PRMT8: variants seen among roughly 807,000 people sequenced by gnomAD.
The protein encoded by PRMT8 is protein arginine methyltransferase 8.
A neutral mutation model predicts 47.1 loss-of-function variants in PRMT8; 7 were observed. The ratio of observed to expected loss-of-function variants is 0.15; its 90% CI spans 0.08 to 0.28. The LOEUF is 0.28. PRMT8 is among the 10% of genes least tolerant of loss of function. The pLI, the probability that PRMT8 is intolerant of heterozygous loss-of-function variation, is 1.00. For synonymous variants in PRMT8, 188 were observed against 186.5 expected (o/e 1.01, Z -0.07); for missense variants, 237 against 505.4 (o/e 0.47, Z 5.09).
chr12:3,558,927 T>C (rs1866576528), intron 4 of PRMT8, among the ~76,000 whole-genome samples: 1 of 151,650 alleles, frequency 6.6e-6, no homozygotes, highest in African/African-American at 2.4e-5. Flanking sequence ...ATTTCATTAT[T>C]CACCAAACTA....
chr12:3,489,060 AC>A (rs990812878), upstream of PRMT8, among the ~76,000 whole-genome samples: 4 of 152,024 alleles, frequency 2.6e-5, no homozygotes, highest in Non-Finnish European at 5.9e-5. Flanking sequence ...TAGGCTCCTC[AC>A]TCACAGCCCC....
intron 6 of PRMT8, among the ~76,000 whole-genome samples, chr12:3,571,710 AAAG>A (rs778259002): frequency 2.6e-5 from 4 of 152,290 alleles, no homozygotes; most frequent in Non-Finnish European, 5.9e-5. Flanking sequence ...CCCCACCCCA[AAAG>A]AACACCAAGA....
chr12:3,465,769 G>T (rs953717501), intron 1 of PRMT8, among the ~76,000 whole-genome samples: 3 of 152,198 alleles, frequency 2.0e-5, no homozygotes, highest in Admixed American at 2.0e-4. Context: ...CTTTCAGAGG[G>T]CATAGCCGTT....
rs530377789 is a variant in PRMT8, at chr12:3,530,548, CG to C, written c.76-10056del. On this transcript the variant is annotated intron_variant, in intron 1 of 9. Coordinates refer to ENST00000382622, the MANE Select transcript of PRMT8 (RefSeq NM_019854.5). ...GGAGCAGGAGAGACCCAAGCATCAG[CG>C]GCTGGAGAAAATGACTGATTTTCAA... Among the ~76,000 whole-genome samples, 10 of 152,238 alleles carry C rather than the reference CG, an allele frequency of 6.6e-5. No individual in the cohort carries two copies. In the South Asian group the frequency reaches 2.1e-3, roughly 32 times the overall value.
intron 1 of PRMT8, among the ~76,000 whole-genome samples, chr12:3,511,855 A>G (rs1865719448): frequency 6.6e-6 from 1 of 152,212 alleles, no homozygotes; most frequent in Non-Finnish European, 1.5e-5. Flanking sequence ...CATTAAAGCC[A>G]TCCTTCTTTG....
At chr12:3,458,708 A>T (rs571569513) in intron 1 of PRMT8, among the ~76,000 whole-genome samples, 4 of 152,306 alleles carry the variant, frequency 2.6e-5, no homozygotes, top group East Asian at 1.9e-4. Flanking sequence ...TTCTTTGGCA[A>T]ATAATAAACT....
intron 1 of PRMT8, among the ~76,000 whole-genome samples, chr12:3,403,235 C>T (rs1459921207): frequency 6.6e-6 from 1 of 152,144 alleles, no homozygotes; most frequent in Non-Finnish European, 1.5e-5. Flanking sequence ...CCAAACACTG[C>T]ATGTTCTCCC....
chr12:3,538,350 C>T lies in PRMT8; in HGVS notation c.76-2256C>T, dbSNP rs760666261. ...GTCCTGGGAGGGCACAGTTCCCACA[C>T]GTCTATTTCTTCCACAGGACCTGCA... On this transcript the variant is annotated intron_variant, in intron 1 of 9. Coordinates refer to ENST00000382622, the MANE Select transcript of PRMT8 (RefSeq NM_019854.5). The surrounding 1 kb of genome is among the most constrained non-coding windows in gnomAD (Gnocchi z 4.6). The T allele has an allele frequency of 1.6e-4, 44 of 271,776 alleles. No homozygotes were observed. Among genetic ancestry groups the T allele is most frequent in the South Asian group, 2.1e-4 (5 of 23,664 alleles). The allele number at this position is 271,776 out of a possible 1,614,324, so 16.8% of individuals were successfully genotyped here.
At chr12:3,551,761 C>G (rs1484814150) in intron 3 of PRMT8, 1 of 152,328 alleles carries the variant, frequency 6.6e-6, no homozygotes, top group Admixed American at 6.5e-5. Flanking sequence ...CCACCCACTG[C>G]TGTCCTCCAG....
intron 1 of PRMT8, among the ~76,000 whole-genome samples, chr12:3,518,573 G>A (rs953922307): frequency 6.6e-6 from 1 of 152,108 alleles, no homozygotes; most frequent in Non-Finnish European, 1.5e-5. Flanking sequence ...AACCATTTGG[G>A]AAAAACGGCA....
At chr12:3,390,425 A>G (rs1565396428) in intron 1 of PRMT8, among the ~76,000 whole-genome samples, 1 of 152,220 alleles carries the variant, frequency 6.6e-6, no homozygotes, top group Admixed American at 6.5e-5. Context: ...TTCATACAGC[A>G]TGGCTTTGGG....
Position 3,569,606 on chromosome 12 carries a change from AT to A in PRMT8, c.712+44del, listed in dbSNP as rs754473991. The A allele has an allele frequency of 1.9e-6, 3 of 1,544,774 alleles. No homozygotes were observed. In the East Asian group the frequency reaches 6.7e-5, roughly 35 times the overall value. ...TTCTCCGGTGGACTTCCACTGCACA[AT>A]TGGGGTGGGAGGCACTCCAGTGGGC... On this transcript the variant is annotated intron_variant, in intron 6 of 9. Coordinates refer to ENST00000382622, the MANE Select transcript of PRMT8 (RefSeq NM_019854.5). This position sits in a 1 kb window ranked among gnomAD's most constrained non-coding sequence, Gnocchi z 8.2.
chr12:3,563,108 G>C (rs1238627532), intron 4 of PRMT8, among the ~76,000 whole-genome samples: 1 of 151,990 alleles, frequency 6.6e-6, no homozygotes, highest in African/African-American at 2.4e-5. Flanking sequence ...TAAGTGGTGG[G>C]TGATGATCTC....
intron 1 of PRMT8, among the ~76,000 whole-genome samples, chr12:3,395,461 C>T (rs1393485952): frequency 8.6e-5 from 13 of 151,006 alleles, no homozygotes; most frequent in African/African-American, 2.7e-4. Context: ...GCCTTCATTT[C>T]GTTATGTACC....
chr12:3,462,250 A>G (rs1865050042), intron 1 of PRMT8, among the ~76,000 whole-genome samples: 1 of 152,042 alleles, frequency 6.6e-6, no homozygotes, highest in African/African-American at 2.4e-5. Context: ...GTGAATGTTC[A>G]TTGCAGCGCT....
intron 2 of PRMT8, among the ~76,000 whole-genome samples, chr12:3,546,196 C>A (rs1031630699): frequency 1.3e-5 from 2 of 152,022 alleles, no homozygotes; most frequent in Non-Finnish European, 2.9e-5. Context: ...GAAATTCAAG[C>A]AATATTTAGA....
Position 3,575,257 on chromosome 12 carries a change from G to A in PRMT8, c.713-1614G>A, listed in dbSNP as rs373660476. 8.5e-5 allele frequency among the ~76,000 whole-genome samples: 13 copies of A among 152,244 alleles called. No homozygotes were observed. The East Asian group carries it at 9.7e-4, about 11-fold the overall frequency. On this transcript the variant is annotated intron_variant, in intron 6 of 9. Coordinates refer to ENST00000382622, the MANE Select transcript of PRMT8 (RefSeq NM_019854.5). ...TCGCTGACCGTTCACACCTCCTGCC[G>A]CACACACCCACTCTCCTAAACACAC...
At chr12:3,399,454 G>A (rs1864296065) in intron 1 of PRMT8, among the ~76,000 whole-genome samples, 2 of 152,150 alleles carry the variant, frequency 1.3e-5, no homozygotes, top group African/African-American at 4.8e-5. Context: ...GCATTCAGGG[G>A]AGAATAACCA....
chr12:3,430,843 A>C (rs1387124066), intron 1 of PRMT8, among the ~76,000 whole-genome samples: 1 of 152,226 alleles, frequency 6.6e-6, no homozygotes, highest in East Asian at 1.9e-4. Flanking sequence ...GAAACACAGA[A>C]GCTAAAGACA....
Sources: gnomAD v4.1 joint callset for allele counts (sites outside exome capture counted in the v4.1 genomes callset) on GRCh38, gnomAD v4.1.1 for gene constraint, Gnocchi (gnomAD v3.1) non-coding constraint, MANE v1.5 for transcripts, NCBI Gene and HGNC (gene_info 2026-07-23, HGNC 2026-07-21) for gene names.